NFATC2: variants seen among roughly 807,000 people sequenced by gnomAD.
NFATC2 encodes the protein nuclear factor of activated T-cells, cytoplasmic 2.
Under a neutral mutation model 87.3 loss-of-function variants are expected in NFATC2, and 22 were observed. The ratio of observed to expected loss-of-function variants is 0.25; its 90% CI spans 0.18 to 0.36. The LOEUF is 0.36. NFATC2 is among the 10% of genes least tolerant of loss of function. NFATC2 has a pLI of 1.00. For missense variants in NFATC2, 1,149 were observed against 1,259.1 expected, an observed-to-expected ratio of 0.91 and a Z score of 1.32; for synonymous variants, 565 against 542.2, an observed-to-expected ratio of 1.04 and a Z score of -0.58.
intron 10 of NFATC2, among the ~76,000 whole-genome samples, chr20:51,395,678 A>T (rs974972313): frequency 1.4e-4 from 16 of 114,234 alleles, no homozygotes; most frequent in African/African-American, 7.3e-4. Flanking sequence ...GGAAAAAGTG[A>T]ACCGATCTTA....
intron 1 of NFATC2, among the ~76,000 whole-genome samples, chr20:51,553,839 G>C (rs181546759): frequency 6.6e-6 from 1 of 151,994 alleles, no homozygotes; most frequent in East Asian, 1.9e-4. Context: ...GGTAGGGCTG[G>C]TTCGTTAGGG....
intron 1 of NFATC2, among the ~76,000 whole-genome samples, chr20:51,538,499 T>G (rs868163730): frequency 3.9e-5 from 6 of 152,190 alleles, no homozygotes; most frequent in African/African-American, 7.2e-5. Flanking sequence ...TTCACTATCA[T>G]GTAACACTCT....
At chr20:51,444,873 G>T (rs767335542) in intron 6 of NFATC2, among the ~76,000 whole-genome samples, 19 of 152,072 alleles carry the variant, frequency 1.2e-4, no homozygotes, top group Non-Finnish European at 2.5e-4. Flanking sequence ...GATTTCAGCC[G>T]CCCGACAGGG....
intron 3 of NFATC2, among the ~76,000 whole-genome samples, chr20:51,487,199 G>A (rs1371385147): frequency 4.6e-5 from 7 of 152,184 alleles, no homozygotes; most frequent in Admixed American, 3.9e-4. Context: ...CCCAAGAGAC[G>A]GCAACTGGGG....
upstream of NFATC2, among the ~76,000 whole-genome samples, chr20:51,544,954 C>T (rs1804737942): frequency 6.6e-6 from 1 of 152,196 alleles, no homozygotes; most frequent in African/African-American, 2.4e-5. Context: ...CCTTTGTTTC[C>T]TAACTATAAG....
chr20:51,514,774 G>A (rs1432385655), intron 3 of NFATC2, among the ~76,000 whole-genome samples: 1 of 152,210 alleles, frequency 6.6e-6, no homozygotes, highest in Non-Finnish European at 1.5e-5. Flanking sequence ...TCAGGAGGCT[G>A]AGGCAGAGGA....
intron 3 of NFATC2, 67 bp downstream of exon 3, chr20:51,516,717 G>A (rs1028283002): frequency 2.7e-6 from 4 of 1,499,418 alleles, no homozygotes; most frequent in Non-Finnish European, 3.6e-6. Context: ...ACAAACAGTG[G>A]GTCAGCAGAA....
chr20:51,521,616 C>T (rs564291134), intron 2 of NFATC2, among the ~76,000 whole-genome samples: 23 of 152,324 alleles, frequency 1.5e-4, no homozygotes, highest in African/African-American at 4.1e-4. Context: ...CCACCGCACC[C>T]GGCCTATTTG....
chr20:51,504,048 G>A (rs1417133691), intron 3 of NFATC2, among the ~76,000 whole-genome samples: 3 of 151,470 alleles, frequency 2.0e-5, no homozygotes, highest in African/African-American at 7.3e-5. Flanking sequence ...TTGAGATGGA[G>A]TCTTGCTCCT....
upstream of NFATC2, among the ~76,000 whole-genome samples, chr20:51,543,365 G>C (rs1243416805): frequency 6.6e-6 from 1 of 152,220 alleles, no homozygotes; most frequent in African/African-American, 2.4e-5. Flanking sequence ...AGGACAAAAA[G>C]CATCTGCTTA....
In NFATC2 at chr20:51,469,244, T is replaced by G. The variant is rs1987977281; in HGVS notation, c.1708+4736A>C. Among the ~76,000 whole-genome samples, 3 of 152,182 alleles carry G rather than the reference T, an allele frequency of 2.0e-5. No individual in the cohort carries two copies. The South Asian group carries it at 6.2e-4, about 32-fold the overall frequency. On this transcript the variant is annotated intron_variant, in intron 5 of 10. Transcript: ENST00000371564. ...GTTAGTCAGGCTGGTCTCCAACTCC[T>G]GAGCTCAAGCGATCGTCCGGCCTTA... is the stretch of plus-strand genomic sequence containing the variant.
rs71192523 is a variant in NFATC2 at position 51,391,470 on chromosome 20, G to GA, written c.*45-20_*45-19insT. On this transcript the variant is annotated intron_variant, in intron 10 of 10. Coordinates refer to ENST00000371564, the MANE Select transcript of NFATC2 (RefSeq NM_012340.5). Reference sequence around the variant, plus strand: ...TCATTAACTACAAAAGAAAAGAGGAGGGGGGGGGAGAGAGAATGGGGCAAG... The same window carrying GA: ...TCATTAACTACAAAAGAAAAGAGGAGAGGGGGGGGAGAGAGAATGGGGCAAG... The GA allele has an allele frequency of 4.3e-5, 58 of 1,362,240 alleles. No individual in the cohort carries two copies. Among genetic ancestry groups the GA allele is most frequent in the Middle Eastern group, 2.2e-4 (1 of 4,550 alleles). The allele number at this position is 1,362,240 out of a possible 1,614,324, so 84.4% of individuals were successfully genotyped here. A position where few individuals can be genotyped will look rare whatever the true frequency, so the allele number is the denominator to read the frequency against.
chr20:51,415,693 C>T (rs1327813548), intron 9 of NFATC2, among the ~76,000 whole-genome samples: 1 of 152,186 alleles, frequency 6.6e-6, no homozygotes, highest in African/African-American at 2.4e-5. Flanking sequence ...GGGTTCATTT[C>T]ACCAAATTGC....
At chr20:51,541,159 A>C (rs971142662) in intron 1 of NFATC2, among the ~76,000 whole-genome samples, 2 of 152,090 alleles carry the variant, frequency 1.3e-5, no homozygotes, top group African/African-American at 4.8e-5. Context: ...CGAAAACTTC[A>C]TTATCTGCCT....
intron 1 of NFATC2, among the ~76,000 whole-genome samples, chr20:51,534,936 CCTTT>C (rs2076695639): frequency 6.6e-6 from 1 of 152,176 alleles, no homozygotes; most frequent in African/African-American, 2.4e-5. Context: ...GTGCAGTAGT[CCTTT>C]CTTTTTTATT....
intron 7 of NFATC2, among the ~76,000 whole-genome samples, 178 bp from the exon 8 acceptor site, chr20:51,435,492 C>T (rs1309257528): frequency 6.6e-6 from 1 of 152,144 alleles, no homozygotes; most frequent in Non-Finnish European, 1.5e-5. Context: ...AAAAATAATA[C>T]TCCATCAAAA....
chr20:51,429,562 C>T (rs549433246), intron 9 of NFATC2, among the ~76,000 whole-genome samples: 1 of 152,356 alleles, frequency 6.6e-6, no homozygotes, highest in South Asian at 2.1e-4. Flanking sequence ...AGCTGTGTAG[C>T]ACGACTCCCG....
intron 1 of NFATC2, among the ~76,000 whole-genome samples, chr20:51,526,470 T>C (rs892805180): frequency 6.6e-6 from 1 of 152,182 alleles, no homozygotes; most frequent in Non-Finnish European, 1.5e-5. Flanking sequence ...GCTCCGTCAG[T>C]GTTGGGCCCG....
intron 5 of NFATC2, among the ~76,000 whole-genome samples, chr20:51,461,014 A>G (rs912416939): frequency 6.6e-6 from 1 of 152,200 alleles, no homozygotes. Context: ...CACACTTAAG[A>G]GGCCACCTGA....
Sources: gnomAD v4.1 joint callset for allele counts (sites outside exome capture counted in the v4.1 genomes callset) on GRCh38, gnomAD v4.1.1 for gene constraint, MANE v1.5 for transcripts, NCBI Gene and HGNC (gene_info 2026-07-23, HGNC 2026-07-21) for gene names.